Variants in MADD observed in about 807,000 individuals in gnomAD.
MADD encodes MAP kinase-activating death domain protein.
Under a neutral mutation model 176.7 loss-of-function variants are expected in MADD, and 109 were observed. That is an observed-to-expected ratio of 0.62 (90% CI 0.53 to 0.72). The LOEUF is 0.72. MADD is among the 30% of genes least tolerant of loss of function. The pLI is 0.00. For synonymous variants in MADD, 771 were observed against 771.3 expected (o/e 1.00, Z 0.01); for missense variants, 1,914 against 2,045.5 (o/e 0.94, Z 1.24).
intron 22 of MADD, among the ~76,000 whole-genome samples, 199 bp downstream of exon 24, chr11:47,296,254 A>G (rs962705838): frequency 6.6e-6 from 1 of 152,176 alleles, no homozygotes; most frequent in African/African-American, 2.4e-5. Flanking sequence ...GGGCTTTTAG[A>G]ACCCTCTCCT....
exon 14 of MADD, chr11:47,285,467 C>T (rs781615542): frequency 1.6e-5 from 26 of 1,614,002 alleles, no homozygotes; most frequent in South Asian, 2.2e-5. Context: ...AAAGCTGCTG[C>T]GGCCCAACAG....
At chr11:47,291,000 A>G (rs1400322550) in intron 19 of MADD, among the ~76,000 whole-genome samples, 184 bp downstream of exon 20, 1 of 151,890 alleles carries the variant, frequency 6.6e-6, no homozygotes, top group Non-Finnish European at 1.5e-5. Flanking sequence ...CTTCATCCAC[A>G]GCCACCCCCC....
chr11:47,301,784 C>G (rs1254763806), intron 22 of MADD, among the ~76,000 whole-genome samples: 1 of 152,036 alleles, frequency 6.6e-6, no homozygotes, highest in Non-Finnish European at 1.5e-5. Context: ...CACAGTGTTC[C>G]TTTGTGGTCT....
Position 47,290,805 on chromosome 11 carries a change from T to C in MADD, c.3290T>C (p.Ile1097Thr). ...AGAAGTTTAAAGGAAGAAAATTTTA[T>C]AGCATCTATTGGTACGTATCAGTGT... The change falls in exon 19 of 33, where the codon ATA (isoleucine) becomes ACA (threonine). Residue 1097 changes from isoleucine to threonine, a missense_variant. By Grantham distance (89) the Ile-to-Thr change is moderately conservative. Around this residue, in one of 2 missense-constraint regions of MADD, gnomAD observed 1,767 missense variants for 1,836.0 expected, o/e 0.96. Coordinates refer to ENST00000402192, the Ensembl canonical transcript of MADD. 6.2e-7 allele frequency: 1 copy of C among 1,611,664 alleles called. No individual in the cohort carries two copies. Among genetic ancestry groups the C allele is most frequent in the South Asian group, 1.1e-5 (1 of 91,032 alleles).
intron 5 of MADD, among the ~76,000 whole-genome samples, chr11:47,277,488 G>A (rs1367205826): frequency 5.9e-5 from 9 of 152,132 alleles, no homozygotes; most frequent in Admixed American, 5.9e-4. Context: ...GTAGAGGCGG[G>A]GTTTCACCAT....
chr11:47,321,695 G>T (rs2094500632), intron 27 of MADD, among the ~76,000 whole-genome samples: 1 of 152,188 alleles, frequency 6.6e-6, no homozygotes, highest in South Asian at 2.1e-4. Flanking sequence ...AGAGTTAATG[G>T]TTGGGGAGTG....
exon 33 of MADD, chr11:47,329,392 G>A (rs537461052): frequency 3.5e-5 from 19 of 549,158 alleles, no homozygotes; most frequent in Admixed American, 1.8e-4. Flanking sequence ...TCAAGAATGT[G>A]TACAGTCTGT....
chr11:47,288,340 C>T (rs1178378074), intron 15 of MADD, among the ~76,000 whole-genome samples: 3 of 152,122 alleles, frequency 2.0e-5, no homozygotes, highest in South Asian at 2.1e-4. Flanking sequence ...AAGACATGTT[C>T]TTAGGTGAGG....
chr11:47,285,419 C>G, intron 13 of MADD, 32 bp from the exon 14 acceptor site: 1 of 1,613,552 alleles, frequency 6.2e-7, no homozygotes, highest in Non-Finnish European at 8.5e-7. Context: ...GTACCCCTGC[C>G]TGGGGATCAT....
chr11:47,282,624 T>G lies in MADD; in HGVS notation c.1705+8T>G. On this transcript the variant is annotated splice_region_variant and intron_variant, in intron 9 of 32. Coordinates refer to ENST00000402192, the Ensembl canonical transcript of MADD. ...TTCAGCGAATTCACAACAGTGAGTC[T>G]ACCTGCCCTCTGCTCCGCTCTGCCT... 1 of 1,613,246 alleles carries G rather than the reference T, an allele frequency of 6.2e-7. No homozygotes were observed.
chr11:47,295,678 G>A (rs939018984), intron 21 of MADD, 99 bp downstream of exon 23: 1 of 1,581,210 alleles, frequency 6.3e-7, no homozygotes. Flanking sequence ...TGAGTCTCAG[G>A]TCAGCATGGT....
At chr11:47,286,436 G>T (rs1485496523) in exon 15 of MADD, 1 of 1,613,018 alleles carries the variant, frequency 6.2e-7, no homozygotes, top group African/African-American at 1.3e-5. Context: ...TTGATAGGCA[G>T]CCTCTATCGG....
At chr11:47,324,759 C>G (rs1476307123) in intron 30 of MADD, 182 bp downstream of exon 33, 2 of 704,136 alleles carry the variant, frequency 2.8e-6, no homozygotes, top group Non-Finnish European at 2.6e-6. Context: ...TGGCGACCAC[C>G]TGGCGCTGTG....
intron 16 of MADD, 91 bp from the exon 18 acceptor site, chr11:47,289,775 AC>A (rs1011539223): frequency 7.1e-7 from 1 of 1,404,978 alleles, no homozygotes. Flanking sequence ...TTTGTGTTTT[AC>A]CCCTGGAGGC....
At chr11:47,284,715 G>A in intron 12 of MADD, 150 bp downstream of exon 12, 2 of 1,246,424 alleles carry the variant, frequency 1.6e-6, no homozygotes, top group Admixed American at 2.6e-5. Context: ...GAGCCTAAGA[G>A]ACCTACTTTT....
chr11:47,274,650 A>C, exon 3 of MADD: 1 of 1,614,132 alleles, frequency 6.2e-7, no homozygotes, highest in Non-Finnish European at 8.5e-7. Context: ...CCCTGCCCCC[A>C]GATGTAGTGT....
At chr11:47,282,307 G>A in intron 8 of MADD, 74 bp from the exon 9 acceptor site, 1 of 1,189,736 alleles carries the variant, frequency 8.4e-7, no homozygotes. Context: ...GGCTTTGGGA[G>A]GTGTTCTAAG....
At chr11:47,284,125 G>T in intron 10 of MADD, 53 bp from the exon 11 acceptor site, 1 of 1,212,346 alleles carries the variant, frequency 8.2e-7, no homozygotes, top group Non-Finnish European at 1.2e-6. Context: ...GATTGTAGGT[G>T]TTCTCCCTGC....
intron 7 of MADD, 28 bp downstream of exon 7, chr11:47,279,107 G>A: frequency 6.2e-7 from 1 of 1,602,838 alleles, no homozygotes; most frequent in Non-Finnish European, 8.5e-7. Context: ...GAAAGAAAGG[G>A]GAGTATTAGA....
Sources: allele counts gnomAD v4.1 joint callset (sites outside exome capture counted in the v4.1 genomes callset), GRCh38; gene constraint gnomAD v4.1.1; regional missense constraint gnomAD v4.1.1; transcripts MANE v1.5; gene names NCBI Gene and HGNC (gene_info 2026-07-23, HGNC 2026-07-21).